The following NELL1 variants were observed in gnomAD, a reference collection of about 807,000 sequenced individuals.
NELL1 encodes neural EGFL like 1.
Under a neutral mutation model 107.4 loss-of-function variants are expected in NELL1, and 76 were observed. The ratio of observed to expected loss-of-function variants is 0.71; its 90% CI spans 0.59 to 0.86. NELL1 has a LOEUF of 0.86. Ranked by LOEUF, NELL1 falls within the 40% of genes least tolerant of loss-of-function variation. The pLI, the probability that NELL1 is intolerant of heterozygous loss-of-function variation, is 0.00. For synonymous variants in NELL1, 353 were observed against 341.2 expected (o/e 1.03, Z -0.38); for missense variants, 1,024 against 1,005.5 (o/e 1.02, Z -0.25).
At chr11:21,544,965 A>G (rs966544765) in intron 16 of NELL1, among the ~76,000 whole-genome samples, 6 of 151,778 alleles carry the variant, frequency 4.0e-5, no homozygotes, top group Admixed American at 1.3e-4. Flanking sequence ...CTACTATCTT[A>G]ACTTTGGTGT....
At chr11:20,839,223 A>G (rs1318144803) in intron 3 of NELL1, among the ~76,000 whole-genome samples, 1 of 152,196 alleles carries the variant, frequency 6.6e-6, no homozygotes, top group African/African-American at 2.4e-5. Context: ...AGTGTAATAG[A>G]ACAGTTTTGA....
At chr11:20,817,453 CT>C (rs1336162883) in intron 3 of NELL1, among the ~76,000 whole-genome samples, 1 of 152,026 alleles carries the variant, frequency 6.6e-6, no homozygotes, top group Non-Finnish European at 1.5e-5. Context: ...CTCTGAGGAT[CT>C]TTTGTATTTC....
chr11:21,025,465 C>T (rs551182315), intron 12 of NELL1, among the ~76,000 whole-genome samples: 2 of 151,484 alleles, frequency 1.3e-5, no homozygotes, highest in South Asian at 4.2e-4. Flanking sequence ...TTTTGCTATA[C>T]TAGATGAATA....
chr11:21,224,669 TCTGA>T (rs1337665811), intron 13 of NELL1, among the ~76,000 whole-genome samples: 4 of 152,352 alleles, frequency 2.6e-5, no homozygotes, highest in Non-Finnish European at 5.9e-5. Flanking sequence ...CTTATTTTTG[TCTGA>T]CTGAGTTTCT....
intron 13 of NELL1, among the ~76,000 whole-genome samples, chr11:21,146,357 C>A (rs1292540546): frequency 3.9e-5 from 6 of 152,100 alleles, no homozygotes; most frequent in Admixed American, 3.9e-4. Context: ...CTAATTTCAT[C>A]AGGAAGCCTT....
intron 12 of NELL1, among the ~76,000 whole-genome samples, chr11:21,010,538 C>G (rs1465822992): frequency 3.3e-5 from 5 of 152,098 alleles, no homozygotes; most frequent in Non-Finnish European, 7.4e-5. Flanking sequence ...TAACAGCTGA[C>G]TGAAGACACG....
At chr11:20,885,563 T>C (rs769276581) in intron 5 of NELL1, 23 bp downstream of exon 5, 2 of 1,377,660 alleles carry the variant, frequency 1.5e-6, no homozygotes, top group Admixed American at 1.7e-5. Context: ...GTTCTTTTTA[T>C]TGAAGTATAT....
At chr11:20,986,371 G>T (rs141437818) in intron 12 of NELL1, among the ~76,000 whole-genome samples, 1 of 152,302 alleles carries the variant, frequency 6.6e-6, no homozygotes, top group Middle Eastern at 3.4e-3. Context: ...TGTTAAGAAA[G>T]ATTGCATTTT....
chr11:20,694,005 A>G (rs1854546140), intron 2 of NELL1, among the ~76,000 whole-genome samples: 1 of 151,956 alleles, frequency 6.6e-6, no homozygotes, highest in Admixed American at 6.6e-5. Context: ...TTTTTTCTCT[A>G]AACTTCCCTT....
chr11:20,932,258 C>A (rs1850633957), intron 9 of NELL1, among the ~76,000 whole-genome samples: 1 of 151,768 alleles, frequency 6.6e-6, no homozygotes, highest in Non-Finnish European at 1.5e-5. Flanking sequence ...ATCCTGAAAT[C>A]TGTATTATTT....
chr11:20,860,443 T>C (rs185131316), intron 4 of NELL1, among the ~76,000 whole-genome samples: 66 of 152,302 alleles, frequency 4.3e-4, no homozygotes, highest in African/African-American at 1.6e-3. Context: ...CCACTGATCC[T>C]CACATTCTCG....
At chr11:21,302,474 G>C (rs996794790) in intron 14 of NELL1, among the ~76,000 whole-genome samples, 1 of 152,030 alleles carries the variant, frequency 6.6e-6, no homozygotes, top group Non-Finnish European at 1.5e-5. Flanking sequence ...TTACCTCAGA[G>C]TAATTCATAT....
intron 12 of NELL1, among the ~76,000 whole-genome samples, chr11:21,111,582 A>C (rs913159823): frequency 6.6e-6 from 1 of 152,000 alleles, no homozygotes. Context: ...CTTGCTCCTC[A>C]CTTGGGGGCC....
chr11:21,412,132 C>G (rs932796352), intron 15 of NELL1, among the ~76,000 whole-genome samples: 2 of 152,008 alleles, frequency 1.3e-5, no homozygotes, highest in African/African-American at 2.4e-5. Context: ...AAATATCACT[C>G]TTTGTTTTCA....
At chr11:20,894,101 C>G (rs1241518961) in intron 5 of NELL1, among the ~76,000 whole-genome samples, 1 of 152,242 alleles carries the variant, frequency 6.6e-6, no homozygotes, top group Admixed American at 6.5e-5. Flanking sequence ...TAATCCTGAC[C>G]CTGTTTCACA....
intron 14 of NELL1, among the ~76,000 whole-genome samples, chr11:21,326,060 TTTTTTTTTTTTTTTTTTTTTTG>T (rs1850127107): frequency 1.2e-5 from 1 of 81,684 alleles, no homozygotes; most frequent in Admixed American, 1.6e-4. Context: ...TTTTTTTTTT[TTTTTTTTTTTTTTTTTTTTTTG>T]GGCTATTTTG....
intron 13 of NELL1, among the ~76,000 whole-genome samples, chr11:21,144,362 A>G (rs1433866890): frequency 6.6e-6 from 1 of 152,192 alleles, no homozygotes; most frequent in East Asian, 1.9e-4. Context: ...TGAGTCAACT[A>G]ATTTGAGGTA....
At chr11:21,026,249 C>G (rs940284109) in intron 12 of NELL1, among the ~76,000 whole-genome samples, 2 of 152,150 alleles carry the variant, frequency 1.3e-5, no homozygotes, top group Non-Finnish European at 2.9e-5. Context: ...GAAGCCCTAC[C>G]TAGTGAGCGA....
At chr11:21,344,724 A>C (rs1850649033) in intron 14 of NELL1, among the ~76,000 whole-genome samples, 1 of 152,156 alleles carries the variant, frequency 6.6e-6, no homozygotes, top group Admixed American at 6.6e-5. Flanking sequence ...ATCAAGTGAT[A>C]GCCAACGCAT....
Sources: gnomAD v4.1 joint callset for allele counts (sites outside exome capture counted in the v4.1 genomes callset) on GRCh38, gnomAD v4.1.1 for gene constraint, MANE v1.5 for transcripts, NCBI Gene and HGNC (gene_info 2026-07-23, HGNC 2026-07-21) for gene names.